CHSY1: variants seen among roughly 807,000 people sequenced by gnomAD.
The protein encoded by CHSY1 is N-acetylgalactosaminyl-proteoglycan 3-beta-glucuronosyltransferase 1.
Under a neutral mutation model 59.8 loss-of-function variants are expected in CHSY1, and 13 were observed. That is an observed-to-expected ratio of 0.22 (90% CI 0.14 to 0.35). The LOEUF (loss-of-function observed/expected upper bound fraction) is 0.35, where lower values mean the gene tolerates loss of function less well. Among genes scored for constraint, CHSY1 ranks in the 10% least tolerant of loss-of-function variants. The pLI, the probability that CHSY1 is intolerant of heterozygous loss-of-function variation, is 1.00. For synonymous variants in CHSY1, 459 were observed against 401.2 expected, an observed-to-expected ratio of 1.14 and a Z score of -1.72; for missense variants, 947 against 1,030.6, an observed-to-expected ratio of 0.92 and a Z score of 1.11.
rs573681382 is a variant in CHSY1, at chr15:101,178,599, C to T, written c.1198G>A (p.Ala400Thr). Reference protein sequence around the residue: ...GQPPRRGMDSAQREALDDIVM... With the variant: ...GQPPRRGMDSTQREALDDIVM... ...ATGTCGTCCAAGGCTTCCCTCTGGG[C>T]GGAGTCCATTCCTCTTCGAGGGGGC... The change falls in exon 3 of 3, where the codon GCC (alanine) becomes ACC (threonine). Residue 400 changes from alanine to threonine, a missense_variant. Physicochemically the swap from Ala to Thr is moderately conservative, Grantham distance 58 (BLOSUM62 0). Transcript: ENST00000254190. The T allele has an allele frequency of 1.4e-5, 23 of 1,614,106 alleles. No homozygotes were observed. Among genetic ancestry groups the T allele is most frequent in the African/African-American group, 9.3e-5 (7 of 74,932 alleles).
chr15:101,198,238 C>T (rs1323677390), intron 2 of CHSY1, among the ~76,000 whole-genome samples: 1 of 152,102 alleles, frequency 6.6e-6, no homozygotes, highest in African/African-American at 2.4e-5. Context: ...ACAGCAGCCA[C>T]GCTACTGACC....
At position 101,176,619 on chromosome 15, in the gene CHSY1, C is replaced by A. The variant is rs1186147489; in HGVS notation, c.*769G>T. 5.2e-6 allele frequency: 2 copies of A among 381,878 alleles called. No individual in the cohort carries two copies. The highest frequency in any genetic ancestry group is 2.1e-5 in the African/African-American group (1 of 48,228). The allele number at this position is 381,878 out of a possible 1,614,324, so 23.7% of individuals were successfully genotyped here. On this transcript the variant is annotated 3_prime_UTR_variant, in exon 3 of 3. Transcript: ENST00000254190. ...GGCCAGCTGGGCTTGCATGGTGAAA[C>A]CCCGTCTCTACTAAAAATACAAAAA...
intron 1 of CHSY1, among the ~76,000 whole-genome samples, chr15:101,249,448 T>C (rs549919026): frequency 1.3e-5 from 2 of 150,694 alleles, no homozygotes; most frequent in African/African-American, 2.4e-5. Context: ...GAGATCCTGA[T>C]AGGCTGGTTC....
At chr15:101,247,179 C>CT (rs1201880907) in intron 1 of CHSY1, among the ~76,000 whole-genome samples, 1 of 152,100 alleles carries the variant, frequency 6.6e-6, no homozygotes, top group Non-Finnish European at 1.5e-5. Context: ...CTTCTTGGGG[C>CT]TCTTCTTTTA....
chr15:101,203,848 C>T (rs1481044594), intron 2 of CHSY1, among the ~76,000 whole-genome samples: 1 of 152,146 alleles, frequency 6.6e-6, no homozygotes, highest in Admixed American at 6.5e-5. Context: ...AAGACAAGGT[C>T]AAGGTTAAAG....
chr15:101,208,668 G>A (rs1266812677), intron 2 of CHSY1, among the ~76,000 whole-genome samples: 3 of 148,684 alleles, frequency 2.0e-5, no homozygotes, highest in East Asian at 3.9e-4. Context: ...AACCGAGATC[G>A]TGCCACTGCA....
At chr15:101,250,689 G>C (rs755651347) in intron 1 of CHSY1, among the ~76,000 whole-genome samples, 2 of 152,202 alleles carry the variant, frequency 1.3e-5, no homozygotes, top group Non-Finnish European at 2.9e-5. Context: ...AAAGGTTCTA[G>C]AACTAGATTA....
chr15:101,234,867 G>C (rs911882407), intron 2 of CHSY1, among the ~76,000 whole-genome samples: 52 of 152,048 alleles, frequency 3.4e-4, no homozygotes, highest in African/African-American at 1.3e-3. Context: ...ACTCTCTCTG[G>C]GGGGAGAAAA....
intron 2 of CHSY1, among the ~76,000 whole-genome samples, chr15:101,190,450 A>T (rs2038429315): frequency 6.6e-6 from 1 of 152,226 alleles, no homozygotes; most frequent in South Asian, 2.1e-4. Flanking sequence ...ATGAAACGAG[A>T]CACAGACCTT....
chr15:101,221,227 C>T (rs566750944), intron 2 of CHSY1, among the ~76,000 whole-genome samples: 1 of 152,286 alleles, frequency 6.6e-6, no homozygotes, highest in South Asian at 2.1e-4. Flanking sequence ...GGTGCGGTGG[C>T]TCACGCCTGT....
intron 1 of CHSY1, among the ~76,000 whole-genome samples, chr15:101,243,776 G>C (rs987008221): frequency 2.0e-5 from 3 of 152,230 alleles, no homozygotes; most frequent in African/African-American, 7.2e-5. Flanking sequence ...GGATTTAACT[G>C]AAGGCCAGAC....
chr15:101,176,643 A>G lies in CHSY1; in HGVS notation c.*745T>C. 2.8e-6 allele frequency: 1 copy of G among 357,114 alleles called. No individual in the cohort carries two copies. The highest frequency in any genetic ancestry group is 5.0e-6 in the Non-Finnish European group (1 of 200,682). The allele number at this position is 357,114 out of a possible 1,614,324, so 22.1% of individuals were successfully genotyped here. On this transcript the variant is annotated 3_prime_UTR_variant, in exon 3 of 3. Coordinates refer to ENST00000254190, the MANE Select transcript of CHSY1 (RefSeq NM_014918.5). Reference sequence around the variant, plus strand: ...ACCCCGTCTCTACTAAAAATACAAAAAAACTAGCTGGGCGTGGTGGTGTGT... The same window carrying G: ...ACCCCGTCTCTACTAAAAATACAAAGAAACTAGCTGGGCGTGGTGGTGTGT...
chr15:101,181,683 G>C (rs2038280142), intron 2 of CHSY1, among the ~76,000 whole-genome samples: 1 of 152,156 alleles, frequency 6.6e-6, no homozygotes, highest in Non-Finnish European at 1.5e-5. Context: ...GTAGCACAGA[G>C]GTATTCTTAG....
In CHSY1 at chr15:101,178,844, T is replaced by C. The variant is rs368708282; in HGVS notation, c.953A>G (p.Tyr318Cys). ...CTCGGATATCTTGCGGCTCAGCATG[T>C]AGCTGTGGAGCCTGTACTGGTAGGG... ...NPPYQYRLHS[Y>C]MLSRKISELR... Residue 318 changes from tyrosine to cysteine, a missense_variant, in exon 3 of 3, where the codon TAC becomes TGC. By Grantham distance (194) the Tyr-to-Cys change is radical. This residue lies in a region of CHSY1 where 602 missense variants were observed against 676.9 expected (regional missense o/e 0.89). Transcript: ENST00000254190. The C allele has an allele frequency of 6.2e-6, 10 of 1,614,118 alleles. No individual in the cohort carries two copies. Among genetic ancestry groups the C allele is most frequent in the African/African-American group, 1.3e-5 (1 of 74,934 alleles).
At position 101,178,116 on chromosome 15, in the gene CHSY1, G is replaced by A. The variant is rs756067077; in HGVS notation, c.1681C>T (p.Pro561Ser). Residue 561 changes from proline (P) to serine (S), a missense_variant, in exon 3 of 3, where the codon CCC (proline) becomes TCC (serine). Pro to Ser is a moderately conservative substitution (Grantham distance 74). This residue lies in a region of CHSY1 where 602 missense variants were observed against 676.9 expected (regional missense o/e 0.89). Coordinates refer to ENST00000254190, the MANE Select transcript of CHSY1 (RefSeq NM_014918.5). The stretch of plus-strand genomic sequence containing the variant: ...ACCACGAGCTTGACGTTCTGATTGG[G>A]GATAAGACACGTCTTCTCAAAGTTT... ...MGNFEKTCLIPNQNVKLVVLL... is the reference protein window; with the variant it reads ...MGNFEKTCLISNQNVKLVVLL... 3 of 1,614,110 alleles carry A rather than the reference G, an allele frequency of 1.9e-6. No homozygotes were observed. Among genetic ancestry groups the A allele is most frequent in the Non-Finnish European group, 2.5e-6 (3 of 1,180,010 alleles).
intron 1 of CHSY1, among the ~76,000 whole-genome samples, chr15:101,241,359 GATTACCGGCGGA>G (rs2038999650): frequency 6.6e-6 from 1 of 152,218 alleles, no homozygotes; most frequent in Non-Finnish European, 1.5e-5. Flanking sequence ...AAAGGGCTGG[GATTACCGGCGGA>G]AGCCATTGCG....
chr15:101,241,890 G>T (rs1003992937), intron 1 of CHSY1, among the ~76,000 whole-genome samples: 1 of 152,160 alleles, frequency 6.6e-6, no homozygotes, highest in African/African-American at 2.4e-5. Context: ...AGACGCTTTA[G>T]TCCCTGATAT....
At chr15:101,182,571 G>A (rs1288586327) in intron 2 of CHSY1, among the ~76,000 whole-genome samples, 4 of 152,192 alleles carry the variant, frequency 2.6e-5, no homozygotes, top group Non-Finnish European at 4.4e-5. Context: ...AAGGTGGTGA[G>A]GTGCAAGTCT....
chr15:101,249,487 C>G (rs1427119111), intron 1 of CHSY1, among the ~76,000 whole-genome samples: 9 of 146,116 alleles, frequency 6.2e-5, no homozygotes, highest in Admixed American at 5.5e-4. Flanking sequence ...CTATGTATCT[C>G]TATCTATCGA....
Sources: allele counts gnomAD v4.1 joint callset (sites outside exome capture counted in the v4.1 genomes callset), GRCh38; gene constraint gnomAD v4.1.1; regional missense constraint gnomAD v4.1.1; transcripts MANE v1.5; gene names NCBI Gene and HGNC (gene_info 2026-07-23, HGNC 2026-07-21).